Variants in GJC1 observed in about 807,000 individuals in gnomAD.
The protein encoded by GJC1 is gap junction gamma-1 protein.
Under a neutral mutation model 29.3 loss-of-function variants are expected in GJC1, and 5 were observed. The observed-to-expected ratio is 0.17, with a 90% CI of 0.09 to 0.36. GJC1 has a LOEUF of 0.36. Ranked by LOEUF, GJC1 falls within the 10% of genes least tolerant of loss-of-function variation. The pLI is 1.00. For synonymous variants in GJC1, 177 were observed against 183.3 expected, an observed-to-expected ratio of 0.97 and a Z score of 0.28; for missense variants, 310 against 496.2, an observed-to-expected ratio of 0.62 and a Z score of 3.56.
At chr17:44,830,770 G>A, upstream of GJC1, 1 of 398,542 alleles carries the variant, frequency 2.5e-6, no homozygotes, top group Non-Finnish European at 4.4e-6. The surrounding 1 kb of genome is among the most constrained non-coding windows in gnomAD (Gnocchi z 4.3). Flanking sequence ...AGGATCTGGC[G>A]GGCCCTGCGT....
intron 1 of GJC1, among the ~76,000 whole-genome samples, chr17:44,811,392 T>C (rs916406475): frequency 1.4e-4 from 20 of 147,016 alleles, no homozygotes; most frequent in South Asian, 6.3e-4. Context: ...TTTTTTCTTT[T>C]TTTTTTTTTT....
chr17:44,809,148 C>A (rs1041690649), intron 1 of GJC1, among the ~76,000 whole-genome samples: 3 of 152,154 alleles, frequency 2.0e-5, no homozygotes, highest in Admixed American at 6.6e-5. Context: ...GTAATCTCAG[C>A]ACTTTGGAAG....
In GJC1 at chr17:44,800,815, C is replaced by T. The variant is rs569696376; in HGVS notation, c.*3812G>A. The T allele has an allele frequency of 6.6e-6, 1 of 151,774 alleles. No homozygotes were observed. Among genetic ancestry groups the T allele is most frequent in the African/African-American group, 2.4e-5 (1 of 41,342 alleles). The allele number at this position is 151,774 out of a possible 1,614,324, so 9.4% of individuals were successfully genotyped here. On this transcript the variant is annotated 3_prime_UTR_variant, in exon 3 of 3. Transcript: ENST00000592524. ...TTTTACCAGAGGCCTTTTCTAATCA[C>T]TTCGTAACACTTCTGAGATGTACAT...
chr17:44,818,972 C>T (rs989740461), intron 1 of GJC1, among the ~76,000 whole-genome samples: 1 of 151,682 alleles, frequency 6.6e-6, no homozygotes, highest in Non-Finnish European at 1.5e-5. Context: ...AAAACAAAAC[C>T]TCTCAAGTTT....
chr17:44,825,188 C>CAAAAAAAAAAAA (rs1162077867), intron 1 of GJC1, among the ~76,000 whole-genome samples: 2 of 45,978 alleles, frequency 4.3e-5, no homozygotes, highest in African/African-American at 2.0e-4. Flanking sequence ...GTCTCAATTA[C>CAAAAAAAAAAAA]AAAAAAAAAA....
chr17:44,815,568 T>C (rs1015760273), intron 1 of GJC1, among the ~76,000 whole-genome samples: 1 of 152,126 alleles, frequency 6.6e-6, no homozygotes, highest in African/African-American at 2.4e-5. Context: ...GCTCCTTTAC[T>C]AGATGCAAAA....
At chr17:44,820,237 C>T (rs545303335) in intron 1 of GJC1, among the ~76,000 whole-genome samples, 21 of 152,310 alleles carry the variant, frequency 1.4e-4, no homozygotes, top group African/African-American at 5.1e-4. Flanking sequence ...GCTGGGATTA[C>T]AGGCGTGAGC....
chr17:44,827,178 G>A (rs1029163675), intron 1 of GJC1, among the ~76,000 whole-genome samples: 1 of 151,910 alleles, frequency 6.6e-6, no homozygotes, highest in Non-Finnish European at 1.5e-5. Context: ...GGCATGGTGG[G>A]GCATTCCTGT....
At chr17:44,818,674 A>T (rs9893909) in intron 1 of GJC1, among the ~76,000 whole-genome samples, 4,967 of 152,066 alleles carry the variant, frequency 0.033, 166 homozygotes, top group African/African-American at 0.068. Context: ...GGGCTACTGT[A>T]ATCCCAGCTA....
intron 1 of GJC1, among the ~76,000 whole-genome samples, chr17:44,822,843 G>C (rs1006799498): frequency 1.3e-5 from 2 of 151,934 alleles, no homozygotes; most frequent in African/African-American, 2.4e-5. Flanking sequence ...AAGAGGTCTG[G>C]CTACAGATAA....
rs1202709588 is a variant in GJC1, at chr17:44,803,158, A to T, written c.*1469T>A. 2 of 152,240 alleles carry T rather than the reference A, an allele frequency of 1.3e-5. No individual in the cohort carries two copies. Among genetic ancestry groups the T allele is most frequent in the African/African-American group, 2.4e-5 (1 of 41,472 alleles). 9.4% of individuals were successfully genotyped at this position (152,240 alleles called of 1,614,324 possible). A position where few individuals can be genotyped will look rare whatever the true frequency, so the allele number is the denominator to read the frequency against. ...AGATATAAAAAATATTCATACTTTC[A>T]GAATTTCCAAGTCAGAGGTGGCTTA... On this transcript the variant is annotated 3_prime_UTR_variant, in exon 3 of 3. Transcript: ENST00000592524.
chr17:44,796,077 G>A (rs368515303), downstream of GJC1, among the ~76,000 whole-genome samples: 22 of 152,230 alleles, frequency 1.4e-4, no homozygotes, highest in African/African-American at 4.8e-4. Flanking sequence ...CCAGCGCACC[G>A]GTGCCTGTCA....
Position 44,805,047 on chromosome 17 carries a change from G to A in GJC1, c.771C>T (p.Thr257=). 6.2e-7 allele frequency: 1 copy of A among 1,614,024 alleles called. No individual in the cohort carries two copies. Among genetic ancestry groups the A allele is most frequent in the Non-Finnish European group, 8.5e-7 (1 of 1,180,012 alleles). Residue 257 remains threonine (T), a synonymous_variant, in exon 3 of 3, where the codon ACC becomes ACT. Coordinates refer to ENST00000592524, the MANE Select transcript of GJC1 (RefSeq NM_005497.4). The surrounding 1 kb of genome is among the most constrained non-coding windows in gnomAD (Gnocchi z 5.1). ...TTTTACTGTTTAGTGAGTCTCGAATGGTCCCAAACCCTAAATGAAGCATCT... is the reference window on the plus strand; with the variant it reads ...TTTTACTGTTTAGTGAGTCTCGAATAGTCCCAAACCCTAAATGAAGCATCT... The part of the protein sequence containing the change: ...IWEMLHLGFG[T]IRDSLNSKRR...
chr17:44,797,750 C>T (rs567043835), downstream of GJC1: 73 of 152,212 alleles, frequency 4.8e-4, 2 homozygotes, highest in African/African-American at 2.4e-5. Context: ...TATTAGTCTC[C>T]GTTCTGATGG....
At position 44,800,047 on chromosome 17, in the gene GJC1, T is replaced by C. The variant is rs1479881817; in HGVS notation, c.*4580A>G. On this transcript the variant is annotated 3_prime_UTR_variant, in exon 3 of 3. Coordinates refer to ENST00000592524, the MANE Select transcript of GJC1 (RefSeq NM_005497.4). Reference sequence around the variant, plus strand: ...CCAACATTTGATGGTGACTGTGAATTATTACATATTTATTACACATAAATG... The same window carrying C: ...CCAACATTTGATGGTGACTGTGAATCATTACATATTTATTACACATAAATG... 6.6e-6 allele frequency: 1 copy of C among 152,232 alleles called. No homozygotes were observed. The highest frequency in any genetic ancestry group is 1.9e-4 in the East Asian group (1 of 5,206). 9.4% of individuals were successfully genotyped at this position (152,232 alleles called of 1,614,324 possible).
At chr17:44,812,876 T>C (rs1240468487) in intron 1 of GJC1, among the ~76,000 whole-genome samples, 1 of 152,000 alleles carries the variant, frequency 6.6e-6, no homozygotes, top group Non-Finnish European at 1.5e-5. Context: ...CTCCATCTCC[T>C]GACCTCATGT....
At chr17:44,814,425 C>A (rs954388895) in intron 1 of GJC1, among the ~76,000 whole-genome samples, 1 of 152,062 alleles carries the variant, frequency 6.6e-6, no homozygotes, top group Non-Finnish European at 1.5e-5. Context: ...CAGGCGTGAG[C>A]CACCACACCC....
chr17:44,817,906 C>G (rs762644057), intron 1 of GJC1, among the ~76,000 whole-genome samples: 12 of 151,784 alleles, frequency 7.9e-5, no homozygotes, highest in Non-Finnish European at 1.6e-4. Flanking sequence ...TCTTCAGGAT[C>G]AGAACAACAA....
In GJC1 at chr17:44,806,461, G is replaced by T. The variant is rs140194529; in HGVS notation, c.-20-624C>A. ...TTCGCTCAGGCTGCAGTGCAGTGGCGTGATCTTGGCTCACTGCAACCTCCG... is the reference window on the plus strand; with the variant it reads ...TTCGCTCAGGCTGCAGTGCAGTGGCTTGATCTTGGCTCACTGCAACCTCCG... On this transcript the variant is annotated intron_variant, in intron 2 of 2. Transcript: ENST00000592524. Among the ~76,000 whole-genome samples, 655 of 148,652 alleles carry T rather than the reference G, an allele frequency of 4.4e-3. 4 individuals are homozygous for T. In the East Asian group the frequency reaches 0.05, roughly 11 times the overall value.
Sources: allele counts gnomAD v4.1 joint callset (sites outside exome capture counted in the v4.1 genomes callset), GRCh38; gene constraint gnomAD v4.1.1; non-coding constraint Gnocchi (gnomAD v3.1); transcripts MANE v1.5; gene names NCBI Gene and HGNC (gene_info 2026-07-23, HGNC 2026-07-21).